Variants in ZNF609 observed in about 807,000 individuals in gnomAD.
ZNF609 encodes zinc finger protein 609.
A neutral mutation model predicts 109.5 loss-of-function variants in ZNF609; 11 were observed. The ratio of observed to expected loss-of-function variants is 0.10; its 90% CI spans 0.06 to 0.17. ZNF609 has a LOEUF of 0.17. Ranked by LOEUF, ZNF609 falls within the 10% of genes least tolerant of loss-of-function variation. The pLI, the probability that ZNF609 is intolerant of heterozygous loss-of-function variation, is 1.00. For synonymous variants in ZNF609, 646 were observed against 662.0 expected (o/e 0.98, Z 0.37); for missense variants, 1,559 against 1,772.4 (o/e 0.88, Z 2.16).
At chr15:64,529,283 G>T (rs1894019243) in intron 2 of ZNF609, 1 of 715,742 alleles carries the variant, frequency 1.4e-6, no homozygotes, top group Non-Finnish European at 2.6e-6. Flanking sequence ...TCACAAACAT[G>T]GGGGCATCAA....
At chr15:64,620,833 A>G (rs967267540) in intron 2 of ZNF609, among the ~76,000 whole-genome samples, 1 of 152,224 alleles carries the variant, frequency 6.6e-6, no homozygotes, top group Non-Finnish European at 1.5e-5. Flanking sequence ...ACCTCAGCCT[A>G]TAGGCTAGTT....
chr15:64,669,421 A>G (rs1362856457), intron 3 of ZNF609, among the ~76,000 whole-genome samples: 2 of 152,220 alleles, frequency 1.3e-5, no homozygotes, highest in East Asian at 1.9e-4. Flanking sequence ...TGTGCAGAAC[A>G]TTGTGTGTAT....
At chr15:64,576,945 TATAC>T (rs1233885720) in intron 2 of ZNF609, among the ~76,000 whole-genome samples, 32 of 78,466 alleles carry the variant, frequency 4.1e-4, no homozygotes, top group South Asian at 6.9e-4. Flanking sequence ...CATATAAATA[TATAC>T]ATATATGTAT....
chr15:64,623,276 T>C (rs539491227), intron 3 of ZNF609, among the ~76,000 whole-genome samples: 17 of 152,336 alleles, frequency 1.1e-4, no homozygotes, highest in South Asian at 4.1e-4. Context: ...CTGGTACTTA[T>C]GATATGCAGT....
At chr15:64,662,547 A>T (rs55946848) in intron 3 of ZNF609, among the ~76,000 whole-genome samples, 49,058 of 152,110 alleles carry the variant, frequency 0.32, 10,292 homozygotes, top group Non-Finnish European at 0.47. Flanking sequence ...CTAGTTTCGA[A>T]TTCCTATGCT....
chr15:64,460,306 C>T (rs574318554), upstream of ZNF609, among the ~76,000 whole-genome samples: 6 of 152,128 alleles, frequency 3.9e-5, no homozygotes, highest in African/African-American at 1.2e-4. Flanking sequence ...GTTCTACTGC[C>T]CACGAGGGGA....
chr15:64,540,899 G>T (rs1033486451), intron 2 of ZNF609, among the ~76,000 whole-genome samples: 6 of 150,556 alleles, frequency 4.0e-5, no homozygotes, highest in African/African-American at 1.5e-4. Context: ...ATGGTGGCAT[G>T]CACCTGTAGT....
intron 2 of ZNF609, among the ~76,000 whole-genome samples, chr15:64,521,904 T>C (rs1334429133): frequency 3.3e-5 from 5 of 152,232 alleles, no homozygotes; most frequent in African/African-American, 7.2e-5. Flanking sequence ...GTTTGCTTAA[T>C]AGAGTTGTGG....
intron 2 of ZNF609, chr15:64,593,261 C>A: frequency 6.6e-7 from 1 of 1,512,058 alleles, no homozygotes; most frequent in South Asian, 1.1e-5. Flanking sequence ...CCGCAAGGAC[C>A]GAACACCCCC....
intron 3 of ZNF609, among the ~76,000 whole-genome samples, chr15:64,651,945 A>G (rs1595752905): frequency 6.6e-6 from 1 of 152,262 alleles, no homozygotes; most frequent in African/African-American, 2.4e-5. Context: ...TGTCACCACC[A>G]CACCCAACTC....
chr15:64,647,358 T>C (rs1896351230), intron 3 of ZNF609, among the ~76,000 whole-genome samples: 1 of 152,120 alleles, frequency 6.6e-6, no homozygotes, highest in African/African-American at 2.4e-5. Flanking sequence ...TTTCAGGTGA[T>C]GAAAAAGTTT....
At chr15:64,658,275 G>A (rs552086230) in intron 3 of ZNF609, among the ~76,000 whole-genome samples, 155 of 151,814 alleles carry the variant, frequency 1.0e-3, no homozygotes, top group African/African-American at 3.4e-3. Flanking sequence ...TCGGCTCACC[G>A]CAACCTCCGC....
At chr15:64,470,629 C>G (rs1566992145) in intron 1 of ZNF609, 1 of 152,070 alleles carries the variant, frequency 6.6e-6, no homozygotes, top group Non-Finnish European at 1.5e-5. Flanking sequence ...TCAGGCGATT[C>G]TCCTGCCTCA....
chr15:64,680,571 G>GTA, intron 7 of ZNF609, 75 bp from the exon 8 acceptor site: 1 of 1,312,476 alleles, frequency 7.6e-7, no homozygotes, highest in Non-Finnish European at 1.1e-6. Flanking sequence ...TTGTGTGTGT[G>GTA]TGTGTGTGTG....
chr15:64,637,107 C>T (rs1341667910), intron 3 of ZNF609, among the ~76,000 whole-genome samples: 2 of 152,086 alleles, frequency 1.3e-5, no homozygotes, highest in Admixed American at 1.3e-4. Flanking sequence ...ATTGTTAATA[C>T]CATAGATTAG....
intron 3 of ZNF609, among the ~76,000 whole-genome samples, chr15:64,635,505 C>T (rs559834602): frequency 6.6e-6 from 1 of 152,166 alleles, no homozygotes; most frequent in Non-Finnish European, 1.5e-5. Flanking sequence ...ACTACATGAT[C>T]TCTATGATCC....
chr15:64,490,295 C>T lies in ZNF609; in HGVS notation c.-127-8998C>T, dbSNP rs554759268. Reference sequence around the variant, plus strand: ...TTGTTTTTTTTTTTTTTTTTCGAGACGGAGTTTTGCTCCCGTTGCCCAGGC... The same window carrying T: ...TTGTTTTTTTTTTTTTTTTTCGAGATGGAGTTTTGCTCCCGTTGCCCAGGC... On this transcript the variant is annotated intron_variant, in intron 1 of 9. Coordinates refer to ENST00000326648, the MANE Select transcript of ZNF609 (RefSeq NM_015042.2). 6.9e-5 allele frequency among the ~76,000 whole-genome samples: 9 copies of T among 130,852 alleles called. No individual in the cohort carries two copies. In the East Asian group the frequency reaches 9.8e-4, roughly 14 times the overall value. 85.8% of individuals were successfully genotyped at this position (130,852 alleles called of 152,430 possible).
chr15:64,666,715 T>A (rs1047992398), intron 3 of ZNF609, among the ~76,000 whole-genome samples: 1 of 152,040 alleles, frequency 6.6e-6, no homozygotes, highest in Admixed American at 6.5e-5. Flanking sequence ...TTTCACCATC[T>A]TGGCCAGGCT....
intron 2 of ZNF609, among the ~76,000 whole-genome samples, chr15:64,600,277 T>C (rs1005845653): frequency 4.0e-5 from 6 of 151,528 alleles, no homozygotes; most frequent in Admixed American, 1.3e-4. Context: ...GGTGAAACCC[T>C]GTCTCTACTA....
Sources: allele counts gnomAD v4.1 joint callset (sites outside exome capture counted in the v4.1 genomes callset), GRCh38; gene constraint gnomAD v4.1.1; transcripts MANE v1.5; gene names NCBI Gene and HGNC (gene_info 2026-07-23, HGNC 2026-07-21).